The following STXBP5L variants were observed in gnomAD, a reference collection of about 807,000 sequenced individuals.
STXBP5L encodes syntaxin binding protein 5L.
A neutral mutation model predicts 144.5 loss-of-function variants in STXBP5L; 65 were observed. That is an observed-to-expected ratio of 0.45 (90% CI 0.37 to 0.55). The LOEUF is 0.55. Ranked by LOEUF, STXBP5L falls within the 20% of genes least tolerant of loss-of-function variation. The pLI is 0.00. For missense variants in STXBP5L, 1,298 were observed against 1,405.5 expected, an observed-to-expected ratio of 0.92 and a Z score of 1.22; for synonymous variants, 505 against 469.6, an observed-to-expected ratio of 1.08 and a Z score of -0.97.
chr3:121,250,335 T>C (rs1324863458), intron 14 of STXBP5L, among the ~76,000 whole-genome samples: 1 of 152,048 alleles, frequency 6.6e-6, no homozygotes, highest in Non-Finnish European at 1.5e-5. Flanking sequence ...ATTTTGAAAC[T>C]TAACTGAATT....
At chr3:121,313,522 AGG>A (rs2043638633) in intron 19 of STXBP5L, among the ~76,000 whole-genome samples, 1 of 2,212 alleles carries the variant, frequency 4.5e-4, no homozygotes, top group Non-Finnish European at 9.0e-4. Context: ...GGCCGGGCAG[AGG>A]AGCCCCTCAC....
At chr3:121,077,109 C>T (rs2042050607) in intron 5 of STXBP5L, among the ~76,000 whole-genome samples, 1 of 152,212 alleles carries the variant, frequency 6.6e-6, no homozygotes, top group Non-Finnish European at 1.5e-5. Context: ...CACACTTCCT[C>T]TGTCCCTGAA....
chr3:121,218,172 CTA>C (rs2048851594), intron 10 of STXBP5L, among the ~76,000 whole-genome samples: 2 of 136,330 alleles, frequency 1.5e-5, no homozygotes, highest in South Asian at 4.4e-4. Context: ...ATATACTATA[CTA>C]TATATAGTAT....
In STXBP5L at chr3:121,418,368, C is replaced by T. The variant is rs747206549; in HGVS notation, c.3258C>T (p.Arg1086=). The change falls in exon 26 of 27, where the codon CGC becomes CGT. Residue 1086 remains arginine (R), a synonymous_variant. Transcript: ENST00000471454. ...FGEASAGKAS[R]SLAQHIPGPG... ...AAGCTTCGGCAGGAAAAGCATCCCG[C>T]AGCCTTGCGCAACACATTCCTGGAC... The T allele has an allele frequency of 6.2e-6, 10 of 1,613,790 alleles. No individual in the cohort carries two copies. In the South Asian group the frequency reaches 9.9e-5, roughly 16 times the overall value.
intron 3 of STXBP5L, among the ~76,000 whole-genome samples, chr3:120,985,264 A>G (rs1039616853): frequency 4.6e-5 from 7 of 152,010 alleles, no homozygotes; most frequent in African/African-American, 1.7e-4. Flanking sequence ...TGTTTGTTAT[A>G]ATTCCTCTGC....
Position 121,171,755 on chromosome 3 carries a change from G to T in STXBP5L, c.877+14128G>T, listed in dbSNP as rs1025535119. ...CTGACGGATAAGAAGAATCAATATC[G>T]TGTGAAAATGGCCATACTGCCCAAA... On this transcript the variant is annotated intron_variant, in intron 9 of 26. Transcript: ENST00000471454. Among the ~76,000 whole-genome samples the T allele has an allele frequency of 3.2e-5, 4 of 124,246 alleles. No individual in the cohort carries two copies. In the East Asian group the frequency reaches 8.8e-4, roughly 27 times the overall value. 81.5% of individuals were successfully genotyped at this position (124,246 alleles called of 152,430 possible). A position where few individuals can be genotyped will look rare whatever the true frequency, so the allele number is the denominator to read the frequency against.
intron 15 of STXBP5L, among the ~76,000 whole-genome samples, chr3:121,251,347 T>C (rs1033900360): frequency 3.3e-5 from 5 of 152,158 alleles, no homozygotes; most frequent in Non-Finnish European, 5.9e-5. Flanking sequence ...AATGCACATA[T>C]ATAACTATAG....
chr3:121,375,627 C>T (rs1019556831), intron 20 of STXBP5L, among the ~76,000 whole-genome samples: 2 of 152,280 alleles, frequency 1.3e-5, no homozygotes, highest in Admixed American at 6.5e-5. Flanking sequence ...AAGTGCCCAG[C>T]ATTTAAGTGT....
At chr3:121,142,809 A>T (rs1189010967) in intron 7 of STXBP5L, among the ~76,000 whole-genome samples, 1 of 151,884 alleles carries the variant, frequency 6.6e-6, no homozygotes, top group Non-Finnish European at 1.5e-5. Flanking sequence ...AAGACCTGCA[A>T]ACTTACAACT....
chr3:121,073,761 C>T (rs1030379363), intron 5 of STXBP5L, among the ~76,000 whole-genome samples: 4 of 152,016 alleles, frequency 2.6e-5, no homozygotes, highest in South Asian at 4.1e-4. Context: ...TTGCCAAAAG[C>T]GAGTAATTTG....
At chr3:121,084,706 C>A (rs1434855859) in intron 5 of STXBP5L, among the ~76,000 whole-genome samples, 2 of 152,068 alleles carry the variant, frequency 1.3e-5, no homozygotes, top group Non-Finnish European at 1.5e-5. Context: ...GATTTACATT[C>A]CTTTGGATAT....
chr3:121,223,271 C>G, intron 11 of STXBP5L, 114 bp downstream of exon 11: 3 of 1,073,626 alleles, frequency 2.8e-6, no homozygotes, highest in Non-Finnish European at 3.9e-6. Context: ...ACGCTGTGAG[C>G]TACAAGTGCT....
intron 2 of STXBP5L, among the ~76,000 whole-genome samples, chr3:120,914,172 G>T (rs975652124): frequency 6.6e-6 from 1 of 151,934 alleles, no homozygotes; most frequent in African/African-American, 2.4e-5. Flanking sequence ...AGAAGTTCTA[G>T]ATTGACAGTG....
intron 3 of STXBP5L, among the ~76,000 whole-genome samples, chr3:121,030,309 G>A (rs1026964205): frequency 1.3e-5 from 2 of 152,174 alleles, no homozygotes; most frequent in African/African-American, 4.8e-5. Flanking sequence ...AGTGGATAAA[G>A]AAGATGTGGT....
chr3:121,019,399 C>A (rs923887227), intron 3 of STXBP5L, among the ~76,000 whole-genome samples: 4 of 152,184 alleles, frequency 2.6e-5, no homozygotes, highest in African/African-American at 9.7e-5. Flanking sequence ...AGCTTGTATC[C>A]TCCCTATACA....
intron 7 of STXBP5L, among the ~76,000 whole-genome samples, chr3:121,130,737 C>A (rs568491171): frequency 6.6e-6 from 1 of 151,932 alleles, no homozygotes; most frequent in Non-Finnish European, 1.5e-5. Flanking sequence ...AATAATGACA[C>A]GATAATTTAA....
At chr3:121,103,506 G>T (rs987279126) in intron 5 of STXBP5L, among the ~76,000 whole-genome samples, 1 of 152,028 alleles carries the variant, frequency 6.6e-6, no homozygotes, top group Non-Finnish European at 1.5e-5. Flanking sequence ...TTGGATAAAA[G>T]ATGGCAAAAA....
chr3:121,185,185 T>G (rs963020242), intron 9 of STXBP5L, among the ~76,000 whole-genome samples: 1 of 152,194 alleles, frequency 6.6e-6, no homozygotes, highest in African/African-American at 2.4e-5. Context: ...GATTCTACAA[T>G]TGTAGATATT....
At chr3:121,005,660 A>T (rs1344964390) in intron 3 of STXBP5L, among the ~76,000 whole-genome samples, 2 of 151,808 alleles carry the variant, frequency 1.3e-5, no homozygotes, top group Non-Finnish European at 1.5e-5. Flanking sequence ...TCAATTTTGG[A>T]TCTTTCCTGC....
Sources: allele counts gnomAD v4.1 joint callset (sites outside exome capture counted in the v4.1 genomes callset), GRCh38; gene constraint gnomAD v4.1.1; transcripts MANE v1.5; gene names NCBI Gene and HGNC (gene_info 2026-07-23, HGNC 2026-07-21).